The following GABRA1 variants were observed in gnomAD, a reference collection of about 807,000 sequenced individuals.
GABRA1 encodes gamma-aminobutyric acid receptor subunit alpha-1.
GABRA1 carries 9 observed loss-of-function variants against 48.9 expected under a neutral mutation model. The ratio of observed to expected loss-of-function variants is 0.18; its 90% CI spans 0.11 to 0.32. GABRA1 has a LOEUF of 0.32. Ranked by LOEUF, GABRA1 falls within the 10% of genes least tolerant of loss-of-function variation. The probability of loss-of-function intolerance (pLI) is 1.00; values close to 1 mark genes in which losing one functional copy is unlikely to be tolerated. For missense variants in GABRA1, 285 were observed against 553.8 expected (o/e 0.51, Z 4.87); for synonymous variants, 210 against 198.7 (o/e 1.06, Z -0.48).
At position 161,899,695 on chromosome 5, in the gene GABRA1, G is replaced by A. The variant is rs915152007; in HGVS notation, c.*2273G>A. 13 of 152,260 alleles carry A rather than the reference G, an allele frequency of 8.5e-5. No individual in the cohort carries two copies. The highest frequency in any genetic ancestry group is 2.6e-4 in the African/African-American group (11 of 41,554). 9.4% of individuals were successfully genotyped at this position (152,260 alleles called of 1,614,324 possible). The stretch of plus-strand genomic sequence containing the variant: ...CTACAGTGCTTTGCTAAACCATGTA[G>A]TACTAGTTAAGTCTTCCTTGAAAAT... On this transcript the variant is annotated 3_prime_UTR_variant, in exon 10 of 10. Transcript: ENST00000393943.
At chr5:161,885,130 G>A (rs1489997966) in intron 7 of GABRA1, among the ~76,000 whole-genome samples, 1 of 152,106 alleles carries the variant, frequency 6.6e-6, no homozygotes, top group Non-Finnish European at 1.5e-5. Context: ...ATATTAGGGG[G>A]TAAGAAGAAC....
In GABRA1 at chr5:161,863,369, G is replaced by A. The variant is rs73313193; in HGVS notation, c.188-2352G>A. On this transcript the variant is annotated intron_variant, in intron 3 of 9. Transcript: ENST00000393943. The stretch of plus-strand genomic sequence containing the variant: ...CTGTACAAGCATGACACTGGCATCT[G>A]CTTGGCTTTTGATGAGGGCCTCAGG... 9.9e-3 allele frequency among the ~76,000 whole-genome samples: 1,512 copies of A among 152,030 alleles called. 22 individuals are homozygous for A. Among genetic ancestry groups the A allele is most frequent in the East Asian group, 0.028 (145 of 5,154 alleles).
At chr5:161,885,589 C>T (rs969002095) in intron 7 of GABRA1, among the ~76,000 whole-genome samples, 2 of 152,150 alleles carry the variant, frequency 1.3e-5, no homozygotes, top group Non-Finnish European at 2.9e-5. Flanking sequence ...CTTTCTAAAT[C>T]ACTTCATTAA....
intron 1 of GABRA1, chr5:161,848,739 C>T: frequency 3.7e-6 from 1 of 273,204 alleles, no homozygotes. Context: ...GAATGTATTC[C>T]GCAGGGTGGG....
intron 3 of GABRA1, among the ~76,000 whole-genome samples, chr5:161,863,157 G>GTA (rs142805282): frequency 1.2e-3 from 185 of 150,450 alleles, no homozygotes; most frequent in Middle Eastern, 3.4e-3. Context: ...TAGTATTTGT[G>GTA]TATATATATA....
chr5:161,850,248 C>T (rs964671565), intron 1 of GABRA1: 1 of 173,280 alleles, frequency 5.8e-6, no homozygotes, highest in African/African-American at 2.4e-5. Context: ...CAGTGTGTTT[C>T]CTATGTTTTT....
chr5:161,874,356 A>G (rs1754254019), intron 5 of GABRA1, among the ~76,000 whole-genome samples: 1 of 152,162 alleles, frequency 6.6e-6, no homozygotes, highest in East Asian at 1.9e-4. Flanking sequence ...AAAATCTAAA[A>G]GATAGAAATA....
intron 6 of GABRA1, among the ~76,000 whole-genome samples, chr5:161,876,265 G>T (rs1466309224): frequency 6.6e-6 from 1 of 152,018 alleles, no homozygotes; most frequent in African/African-American, 2.4e-5. Context: ...TCAGCTGTTT[G>T]AAAATATTCA....
At chr5:161,861,108 T>A (rs2079680980) in intron 3 of GABRA1, among the ~76,000 whole-genome samples, 1 of 151,740 alleles carries the variant, frequency 6.6e-6, no homozygotes, top group South Asian at 2.1e-4. Flanking sequence ...ATTGGCATAT[T>A]TCTGTAAGAT....
intron 6 of GABRA1, among the ~76,000 whole-genome samples, chr5:161,880,833 A>G (rs780298850): frequency 3.9e-5 from 6 of 152,138 alleles, no homozygotes; most frequent in Non-Finnish European, 7.4e-5. Flanking sequence ...AAAAGCAACT[A>G]TAGTTTTACA....
At chr5:161,851,565 G>T (rs533257146) in intron 2 of GABRA1, among the ~76,000 whole-genome samples, 7 of 152,158 alleles carry the variant, frequency 4.6e-5, no homozygotes, top group African/African-American at 1.7e-4. Context: ...AAGTATTACA[G>T]ATTTTTCTTT....
chr5:161,880,245 A>G (rs1456777792), intron 6 of GABRA1, among the ~76,000 whole-genome samples: 1 of 152,182 alleles, frequency 6.6e-6, no homozygotes, highest in Non-Finnish European at 1.5e-5. Flanking sequence ...GCATTTGCAA[A>G]TTGAACATTC....
rs1424508480 is a variant in GABRA1, at chr5:161,897,159, C to T, written c.1108C>T (p.Pro370Ser). Reference sequence around the variant, plus strand: ...TATTAAGAAAAACAACACTTACGCTCCAACAGCAACCAGCTACACCCCTAA... The same window carrying T: ...TATTAAGAAAAACAACACTTACGCTTCAACAGCAACCAGCTACACCCCTAA... ...PLIKKNNTYA[P>S]TATSYTPNLA... Residue 370 changes from proline (P) to serine (S), a missense_variant, in exon 10 of 10, where the codon CCA (proline) becomes TCA (serine). Physicochemically the swap from Pro to Ser is moderately conservative, Grantham distance 74. Around this residue, in one of 6 missense-constraint regions of GABRA1, gnomAD observed 99 missense variants for 94.2 expected, o/e 1.05. Coordinates refer to ENST00000393943, the MANE Select transcript of GABRA1 (RefSeq NM_001127644.2). 1 of 1,614,066 alleles carries T rather than the reference C, an allele frequency of 6.2e-7. No individual in the cohort carries two copies. Among genetic ancestry groups the T allele is most frequent in the Non-Finnish European group, 8.5e-7 (1 of 1,180,000 alleles).
At chr5:161,856,155 AC>A (rs1176862232) in intron 3 of GABRA1, among the ~76,000 whole-genome samples, 1 of 151,222 alleles carries the variant, frequency 6.6e-6, no homozygotes, top group Non-Finnish European at 1.5e-5. Context: ...GCACTCCTAG[AC>A]CCTGGAGAGC....
Position 161,867,636 on chromosome 5 carries a change from A to G in GABRA1, c.255+1848A>G, listed in dbSNP as rs947446004. On this transcript the variant is annotated intron_variant, in intron 4 of 9. Coordinates refer to ENST00000393943, the MANE Select transcript of GABRA1 (RefSeq NM_001127644.2). ...GTCTATCAATAGTGCTCAATAAATG[A>G]TAGCTATTATTATTTTTACCTCTGA... 2.6e-5 allele frequency among the ~76,000 whole-genome samples: 4 copies of G among 152,230 alleles called. No homozygotes were observed. In the East Asian group the frequency reaches 7.7e-4, roughly 29 times the overall value.
chr5:161,873,842 A>C (rs1248116954), intron 5 of GABRA1, among the ~76,000 whole-genome samples: 2 of 152,328 alleles, frequency 1.3e-5, no homozygotes, highest in East Asian at 3.9e-4. Flanking sequence ...AATTTTGCTC[A>C]AACTAAAGAC....
chr5:161,893,011 ATAATAAT>A (rs1362192094), intron 8 of GABRA1, among the ~76,000 whole-genome samples: 25 of 100,882 alleles, frequency 2.5e-4, no homozygotes, highest in Admixed American at 5.6e-4. Context: ...TCTCAAAAAA[ATAATAAT>A]AATAATAATA....
intron 2 of GABRA1, 46 bp downstream of exon 2, chr5:161,850,930 T>C: frequency 6.6e-7 from 1 of 1,506,888 alleles, no homozygotes; most frequent in Non-Finnish European, 9.2e-7. Context: ...TCTGTAACTT[T>C]TCATTTATTT....
chr5:161,859,878 GT>G (rs1399370547), intron 3 of GABRA1, among the ~76,000 whole-genome samples: 3 of 151,626 alleles, frequency 2.0e-5, no homozygotes, highest in Non-Finnish European at 4.4e-5. Flanking sequence ...TCTTGTTGTT[GT>G]TTTTGCTGTG....
Sources: gnomAD v4.1 joint callset for allele counts (sites outside exome capture counted in the v4.1 genomes callset) on GRCh38, gnomAD v4.1.1 for gene constraint, gnomAD v4.1.1 regional missense constraint, MANE v1.5 for transcripts, NCBI Gene and HGNC (gene_info 2026-07-23, HGNC 2026-07-21) for gene names.